Variants in CTNNA2 observed in about 807,000 individuals in gnomAD.
The protein encoded by CTNNA2 is catenin alpha-2.
CTNNA2 carries 42 observed loss-of-function variants against 101.0 expected under a neutral mutation model. That is an observed-to-expected ratio of 0.42 (90% confidence interval 0.32 to 0.54). CTNNA2 has a LOEUF of 0.54. CTNNA2 is among the 20% of genes least tolerant of loss of function. The probability of loss-of-function intolerance (pLI) is 0.14; values close to 1 mark genes in which losing one functional copy is unlikely to be tolerated. For missense variants in CTNNA2, 871 were observed against 1,223.1 expected, an observed-to-expected ratio of 0.71 and a Z score of 4.29; for synonymous variants, 450 against 456.4, an observed-to-expected ratio of 0.99 and a Z score of 0.18.
chr2:80,175,464 T>A (rs1705332814), intron 7 of CTNNA2, among the ~76,000 whole-genome samples: 1 of 152,204 alleles, frequency 6.6e-6, no homozygotes, highest in Non-Finnish European at 1.5e-5. Flanking sequence ...ATCTAAATAT[T>A]GGAATTCATG....
chr2:79,918,778 A>G (rs1686441208), intron 7 of CTNNA2, among the ~76,000 whole-genome samples: 1 of 152,220 alleles, frequency 6.6e-6, no homozygotes. Flanking sequence ...AAAAATTTCC[A>G]AAGATAAAGT....
intron 7 of CTNNA2, among the ~76,000 whole-genome samples, chr2:80,057,848 A>G (rs766646715): frequency 6.8e-4 from 104 of 152,220 alleles, no homozygotes; most frequent in Non-Finnish European, 7.5e-4. Flanking sequence ...ACAAGCCACA[A>G]AATGGAAACA....
chr2:79,824,018 A>C (rs1447247211), intron 3 of CTNNA2, among the ~76,000 whole-genome samples: 1 of 152,184 alleles, frequency 6.6e-6, no homozygotes, highest in Non-Finnish European at 1.5e-5. Context: ...GGCAGAAATC[A>C]CACTCAAAAG....
intron 4 of CTNNA2, among the ~76,000 whole-genome samples, chr2:79,409,830 C>T (rs1362099145): frequency 6.6e-6 from 1 of 150,656 alleles, no homozygotes; most frequent in Non-Finnish European, 1.5e-5. Flanking sequence ...TTTTCCAATT[C>T]TGTGAAGAAA....
intron 1 of CTNNA2, among the ~76,000 whole-genome samples, chr2:79,187,183 G>GAA (rs1438091526): frequency 2.7e-5 from 4 of 149,708 alleles, no homozygotes; most frequent in Non-Finnish European, 5.9e-5. Context: ...AAGGATCAAA[G>GAA]AAAAAAATCT....
At chr2:79,240,865 A>C (rs1674617516) in intron 2 of CTNNA2, among the ~76,000 whole-genome samples, 1 of 152,072 alleles carries the variant, frequency 6.6e-6, no homozygotes, top group South Asian at 2.1e-4. Flanking sequence ...GGGCCTTTAC[A>C]TTTTGGGATC....
At chr2:80,464,485 G>A (rs1224617983) in intron 9 of CTNNA2, among the ~76,000 whole-genome samples, 1 of 152,146 alleles carries the variant, frequency 6.6e-6, no homozygotes, top group South Asian at 2.1e-4. Context: ...CTTCAGTGAG[G>A]TTTTCTCACA....
chr2:79,371,560 A>G (rs1045932518), intron 3 of CTNNA2, among the ~76,000 whole-genome samples: 2 of 152,120 alleles, frequency 1.3e-5, no homozygotes, highest in African/African-American at 4.8e-5. Context: ...CGTCACTGCT[A>G]AAGACTTATT....
intron 6 of CTNNA2, among the ~76,000 whole-genome samples, chr2:79,878,249 C>A (rs1269508944): frequency 3.3e-5 from 5 of 152,146 alleles, no homozygotes; most frequent in African/African-American, 9.7e-5. Flanking sequence ...CATAACTTTG[C>A]CATTGTAAAT....
At chr2:79,859,307 C>T (rs556673564) in intron 4 of CTNNA2, among the ~76,000 whole-genome samples, 7 of 152,042 alleles carry the variant, frequency 4.6e-5, no homozygotes, top group Admixed American at 3.3e-4. Context: ...AAATGAATAA[C>T]AAGAGCGTGC....
In CTNNA2 at chr2:79,909,717, G is replaced by C; in HGVS notation, c.976G>C (p.Asp326His). Residue 326 changes from aspartate (D) to histidine (H), a missense_variant, in exon 7 of 19, where the codon GAC becomes CAC. By Grantham distance (81) the Asp-to-His change is moderately conservative (BLOSUM62 -1). Around this residue, in one of 5 missense-constraint regions of CTNNA2, gnomAD observed 647 missense variants for 831.5 expected, o/e 0.78. Coordinates refer to ENST00000402739, the MANE Select transcript of CTNNA2 (RefSeq NM_001282597.3). ...GGCCGACTCCTCCTGCACGCGAGAC[G>C]ACCGGCGCGAGAGGATCGTGGCGGA... ...LMADSSCTRD[D>H]RRERIVAECN... The C allele has an allele frequency of 1.9e-6, 3 of 1,613,898 alleles. No individual in the cohort carries two copies. Among genetic ancestry groups the C allele is most frequent in the Non-Finnish European group, 2.5e-6 (3 of 1,179,908 alleles).
At chr2:79,200,031 C>G (rs1310532653) in intron 2 of CTNNA2, among the ~76,000 whole-genome samples, 2 of 149,836 alleles carry the variant, frequency 1.3e-5, no homozygotes, top group African/African-American at 2.4e-5. Flanking sequence ...GAGAATGAGA[C>G]AGAGAGAGAG....
At chr2:80,490,947 G>A (rs1687016444) in intron 9 of CTNNA2, among the ~76,000 whole-genome samples, 1 of 152,158 alleles carries the variant, frequency 6.6e-6, no homozygotes, top group South Asian at 2.1e-4. Context: ...TATATTCTGG[G>A]AATCTAGGGG....
At chr2:80,427,150 A>G (rs556319747) in intron 9 of CTNNA2, among the ~76,000 whole-genome samples, 3 of 152,280 alleles carry the variant, frequency 2.0e-5, no homozygotes, top group African/African-American at 7.2e-5. Context: ...ATAAAATAAT[A>G]AATGTAGCCA....
In CTNNA2 at chr2:80,564,284, C is replaced by G. The variant is rs568013652; in HGVS notation, c.1741+8391C>G. Among the ~76,000 whole-genome samples the G allele has an allele frequency of 7.8e-4, 119 of 152,304 alleles. No individual in the cohort carries two copies. In the Middle Eastern group the frequency reaches 0.01, roughly 13 times the overall value. The stretch of plus-strand genomic sequence containing the variant: ...ACACTAAGCTAAATAAGGCATCATG[C>G]TCATGCTCAATACTTTATTCGTTCC... On this transcript the variant is annotated intron_variant, in intron 12 of 18. Coordinates refer to ENST00000402739, the MANE Select transcript of CTNNA2 (RefSeq NM_001282597.3).
At chr2:80,048,701 A>G (rs766617581) in intron 7 of CTNNA2, among the ~76,000 whole-genome samples, 5 of 152,252 alleles carry the variant, frequency 3.3e-5, no homozygotes, top group African/African-American at 4.8e-5. Flanking sequence ...AAACTGGCGT[A>G]TAAGTGAATC....
intron 3 of CTNNA2, among the ~76,000 whole-genome samples, chr2:79,348,179 C>A (rs1424721074): frequency 2.6e-5 from 4 of 152,148 alleles, no homozygotes; most frequent in African/African-American, 4.8e-5. Flanking sequence ...AAACAGTACT[C>A]TATCAATTGA....
rs963742916 is a variant in CTNNA2, at chr2:79,480,472, C to G, written c.-134-24582C>G. Among the ~76,000 whole-genome samples the G allele has an allele frequency of 5.3e-5, 8 of 152,104 alleles. 1 individual carries two copies. Among genetic ancestry groups the G allele is most frequent in the Non-Finnish European group, 1.5e-5 (1 of 68,018 alleles). On this transcript the variant is annotated intron_variant, in intron 4 of 21. Coordinates refer to the CTNNA2 transcript ENST00000466387. ...TCAGATCTTTCTTCAGGAAAATTAT[C>G]TTCTATTATCCCTTAAATTATTGGT...
intron 2 of CTNNA2, among the ~76,000 whole-genome samples, chr2:79,717,831 A>G (rs751112075): frequency 4.6e-5 from 7 of 152,198 alleles, no homozygotes; most frequent in Non-Finnish European, 8.8e-5. Context: ...CAAAGCATGG[A>G]GAGAGTGAAT....
Sources: gnomAD v4.1 joint callset for allele counts (sites outside exome capture counted in the v4.1 genomes callset) on GRCh38, gnomAD v4.1.1 for gene constraint, gnomAD v4.1.1 regional missense constraint, MANE v1.5 for transcripts, NCBI Gene and HGNC (gene_info 2026-07-23, HGNC 2026-07-21) for gene names.